TTN: variants seen among roughly 807,000 people sequenced by gnomAD.
TTN encodes the protein titin, also known as connectin.
In TTN, 1,525 loss-of-function variants were observed where a neutral mutation model predicts 3,223.0. The ratio of observed to expected loss-of-function variants is 0.47; its 90% confidence interval spans 0.45 to 0.49. The LOEUF (loss-of-function observed/expected upper bound fraction) is 0.49. TTN is among the 20% of genes least tolerant of loss of function. The pLI, the probability that TTN is intolerant of heterozygous loss-of-function variation, is 0.00. For missense variants in TTN, 40,786 were observed against 43,424.0 expected (o/e 0.94, Z 5.40); for synonymous variants, 14,094 against 15,161.0 (o/e 0.93, Z 5.17).
rs1402438452 is a variant in TTN at position 178,567,098 on chromosome 2, G to T, written c.79034C>A (p.Ser26345Tyr). Residue 26345 changes from serine to tyrosine, a missense_variant, in exon 326 of 363, where the codon TCT (serine) becomes TAT (tyrosine). Coordinates refer to ENST00000589042, the MANE Select transcript of TTN (RefSeq NM_001267550.2). ...TVVASEVVTN[S>Y]LKVTKLLEGN... is the part of the protein sequence containing the mutation. ...TTCTAAGAGTTTGGTAACTTTCAGA[G>T]AATTGGTCACAACTTCTGAAGCAAC... 3 of 1,613,482 alleles carry T rather than the reference G, an allele frequency of 1.9e-6. No individual in the cohort carries two copies. The highest frequency in any genetic ancestry group is 2.5e-6 in the Non-Finnish European group (3 of 1,179,598).
In TTN at chr2:178,802,849, T is replaced by C. The variant is rs543522393; in HGVS notation, c.92-508A>G. Among the ~76,000 whole-genome samples, 12 of 152,342 alleles carry C rather than the reference T, an allele frequency of 7.9e-5. No homozygotes were observed. In the East Asian group the frequency reaches 2.1e-3, roughly 27 times the overall value. ...CTCTGTGGTTACAGGGACACTGTCT[T>C]CTTGGACTCTTCTGCTTTCACAAGT... On this transcript the variant is annotated intron_variant, in intron 2 of 362. Transcript: ENST00000589042.
rs757398402 is a variant in TTN at position 178,536,025 on chromosome 2, G to A, written c.100722C>T (p.Asn33574=). The A allele has an allele frequency of 3.2e-6, 5 of 1,572,494 alleles. No individual in the cohort carries two copies. Among genetic ancestry groups the A allele is most frequent in the Non-Finnish European group, 3.5e-6 (4 of 1,158,148 alleles). ...DATVYQVRAT[N]QGGSVSGTAS... is the part of the protein sequence containing the mutation. ...CAGTGCCAGACACAGATCCCCCTTG[G>A]TTGGTAGCTCTGACTTGGTAAACTG... The change falls in exon 357 of 363, where the codon AAC becomes AAT. Residue 33574 remains asparagine, a synonymous_variant. Transcript: ENST00000589042.
In TTN at chr2:178,777,537, C is replaced by G; in HGVS notation, c.4528G>C (p.Asp1510His). 6.2e-7 allele frequency: 1 copy of G among 1,613,960 alleles called. No homozygotes were observed. ...ACAATAATTAGTGATTGAGTACCATCTTCTTTAATGACTACTTTATGGGTA... is the reference window on the plus strand; with the variant it reads ...ACAATAATTAGTGATTGAGTACCATGTTCTTTAATGACTACTTTATGGGTA... ...DYTHKVVIKEDGTQSLIIVPA... is the reference protein window; with the variant it reads ...DYTHKVVIKEHGTQSLIIVPA... Residue 1510 changes from aspartate to histidine, a missense_variant, in exon 26 of 363, where the codon GAT becomes CAT. By Grantham distance (81) the Asp-to-His change is moderately conservative (BLOSUM62 -1). Coordinates refer to ENST00000589042, the MANE Select transcript of TTN (RefSeq NM_001267550.2).
chr2:178,674,163 A>G, intron 151 of TTN, 151 bp downstream of exon 151: 1 of 582,616 alleles, frequency 1.7e-6, no homozygotes, highest in Non-Finnish European at 3.1e-6. Context: ...TAAAAAAAGG[A>G]CACATAGATT....
rs1459261528 is a variant in TTN at position 178,776,049 on chromosome 2, G to A, written c.5815C>T (p.Leu1939Phe). The change falls in exon 28 of 363, where the codon CTT becomes TTT. Residue 1939 changes from leucine (L) to phenylalanine (F), a missense_variant. Coordinates refer to ENST00000589042, the MANE Select transcript of TTN (RefSeq NM_001267550.2). The part of the protein sequence containing the change: ...IQQREDFRSV[L>F]RRAPEPRPEF... ...GGCCTTGGTTCAGGAGCTCTCCTAA[G>A]GACAGACCTAAAATCTTCCCTCTGT... is the stretch of plus-strand genomic sequence containing the variant. The A allele has an allele frequency of 1.2e-6, 2 of 1,614,126 alleles. No individual in the cohort carries two copies. The highest frequency in any genetic ancestry group is 2.2e-5 in the South Asian group (2 of 91,082).
intron 43 of TTN, among the ~76,000 whole-genome samples, chr2:178,763,220 G>A (rs1191728025): frequency 1.3e-5 from 2 of 152,142 alleles, no homozygotes; most frequent in East Asian, 1.9e-4. Flanking sequence ...CACATATATT[G>A]TCTCATTCTA....
rs771790427 is a variant in TTN, at chr2:178,550,175, C to T, written c.91663G>A (p.Val30555Met). The change falls in exon 337 of 363, where the codon GTG (valine) becomes ATG (methionine). Residue 30555 changes from valine (V) to methionine (M), a missense_variant. Transcript: ENST00000589042. ...RIKALVQGRP[V>M]PRVTWFKDGV... ...TCTTTGAACCAAGTTACTCGAGGCA[C>T]TGGTCTTCCTTGTACCAAAGCTTTA... The T allele has an allele frequency of 6.2e-7, 1 of 1,613,814 alleles. No homozygotes were observed. Among genetic ancestry groups the T allele is most frequent in the South Asian group, 1.1e-5 (1 of 91,080 alleles).
Position 178,681,669 on chromosome 2 carries a change from G to GGTTTT in TTN, c.33163_33164insAAAAC (p.Pro11055GlnfsTer7), listed in dbSNP as rs763328555. 1 of 1,605,438 alleles carries GGTTTT rather than the reference G, an allele frequency of 6.2e-7. No individual in the cohort carries two copies. Among genetic ancestry groups the GGTTTT allele is most frequent in the African/African-American group, 1.3e-5 (1 of 74,214 alleles). ...TGTTTTTTTCACTCTACCTTTAGCC[G>GGTTTT]GTGGGGCCTTTGGTTTTGTGGGAAC... On this transcript the variant is annotated frameshift_variant, in exon 136 of 363. Coordinates refer to ENST00000589042, the MANE Select transcript of TTN (RefSeq NM_001267550.2). LOFTEE classifies it high-confidence loss of function.
Position 178,786,576 on chromosome 2 carries a change from C to T in TTN, c.2077-435G>A, listed in dbSNP as rs559769944. Among the ~76,000 whole-genome samples the T allele has an allele frequency of 3.3e-5, 5 of 152,198 alleles. No individual in the cohort carries two copies. In the East Asian group the frequency reaches 9.7e-4, roughly 29 times the overall value. ...CAGTGACAGTGATGATATAAGTGCA[C>T]TCAAATACCGTCATCATCCTGTCCA... On this transcript the variant is annotated intron_variant, in intron 13 of 362. Coordinates refer to ENST00000589042, the MANE Select transcript of TTN (RefSeq NM_001267550.2).
At chr2:178,676,277 A>G (rs927042770) in intron 147 of TTN, among the ~76,000 whole-genome samples, 2 of 151,914 alleles carry the variant, frequency 1.3e-5, no homozygotes, top group African/African-American at 4.8e-5. Context: ...TTTTGCACCA[A>G]CCTAATATCA....
intron 219 of TTN, 65 bp downstream of exon 219, chr2:178,642,172 G>T: frequency 7.3e-7 from 1 of 1,362,070 alleles, no homozygotes; most frequent in Non-Finnish European, 9.9e-7. Context: ...GAAACATTTT[G>T]TAAGCTTTCA....
chr2:178,787,361 C>A (rs1484545761), intron 13 of TTN, among the ~76,000 whole-genome samples: 1 of 151,944 alleles, frequency 6.6e-6, no homozygotes, highest in African/African-American at 2.4e-5. Flanking sequence ...ATTGCATCAT[C>A]TCAGAAAAAA....
chr2:178,610,746 T>C (rs1381108091), intron 270 of TTN, among the ~76,000 whole-genome samples: 2 of 152,020 alleles, frequency 1.3e-5, no homozygotes, highest in Non-Finnish European at 2.9e-5. Context: ...TATGCTAATA[T>C]CTGTTATTTA....
intron 46 of TTN, chr2:178,754,034 A>T (rs1173375264): frequency 6.6e-6 from 1 of 152,188 alleles, no homozygotes; most frequent in East Asian, 1.9e-4. Flanking sequence ...AGTTAGGGAA[A>T]GGCATAAATT....
chr2:178,535,688 G>T lies in TTN; in HGVS notation c.100927C>A (p.Gln33643Lys). The T allele has an allele frequency of 6.2e-7, 1 of 1,613,736 alleles. No homozygotes were observed. Among genetic ancestry groups the T allele is most frequent in the South Asian group, 1.1e-5 (1 of 91,074 alleles). Reference protein sequence around the residue: ...QDLIDNNGHYQVIVTRSFTSL... With the variant: ...QDLIDNNGHYKVIVTRSFTSL... ...GTGAAGGATCTTGTGACAATAACTT[G>T]GTAGTGGCCATTATTGTCAATGAGA... The change falls in exon 358 of 363, where the codon CAA becomes AAA. Residue 33643 changes from glutamine (Q) to lysine (K), a missense_variant. Gln to Lys is a moderately conservative substitution (Grantham distance 53, BLOSUM62 1). Coordinates refer to ENST00000589042, the MANE Select transcript of TTN (RefSeq NM_001267550.2).
At chr2:178,709,099 G>A (rs1316269435) in intron 99 of TTN, among the ~76,000 whole-genome samples, 1 of 152,044 alleles carries the variant, frequency 6.6e-6, no homozygotes, top group Non-Finnish European at 1.5e-5. Context: ...CAGGTCAAAC[G>A]CTTTGGGCAA....
At chr2:178,649,693 G>C (rs1366677) in intron 211 of TTN, 62 bp from the exon 212 acceptor site, 2 of 1,540,174 alleles carry the variant, frequency 1.3e-6, no homozygotes, top group Middle Eastern at 1.7e-4. Flanking sequence ...ATACATACAA[G>C]TTTATTCAAC....
chr2:178,526,473 CGTT>C lies in TTN; in HGVS notation c.*536_*538del, dbSNP rs1686473777. On this transcript the variant is annotated 3_prime_UTR_variant, in exon 363 of 363. Transcript: ENST00000589042. ...TGACATCATCAGAGAAAATGTAAGA[CGTT>C]AAAGTGTTGCTTACAGGAGGGTAAA... The C allele has an allele frequency of 6.6e-6, 1 of 152,598 alleles. No homozygotes were observed. The highest frequency in any genetic ancestry group is 2.4e-5 in the African/African-American group (1 of 41,424). The allele number at this position is 152,598 out of a possible 1,614,324, so 9.5% of individuals were successfully genotyped here. A position where few individuals can be genotyped will look rare whatever the true frequency, so the allele number is the denominator to read the frequency against.
chr2:178,665,588 A>C (rs1186066150), intron 164 of TTN, 120 bp downstream of exon 164: 1 of 1,290,314 alleles, frequency 7.8e-7, no homozygotes, highest in African/African-American at 1.5e-5. Flanking sequence ...GGAGGTATAC[A>C]ATCTTGAGGA....
Sources: gnomAD v4.1 joint callset for allele counts (sites outside exome capture counted in the v4.1 genomes callset) on GRCh38, gnomAD v4.1.1 for gene constraint, MANE v1.5 for transcripts, NCBI Gene and HGNC (gene_info 2026-07-23, HGNC 2026-07-21) for gene names.